Variants in IL1RAPL1 observed in about 807,000 individuals in gnomAD.
IL1RAPL1 encodes the protein interleukin 1 receptor accessory protein like 1, also known as interleukin-1 receptor accessory protein-like 1.
A neutral mutation model predicts 48.4 loss-of-function variants in IL1RAPL1; 3 were observed. That is an observed-to-expected ratio of 0.06 (90% CI 0.03 to 0.16). The LOEUF (loss-of-function observed/expected upper bound fraction) is 0.16. IL1RAPL1 is among the 10% of genes least tolerant of loss of function. The pLI is 1.00. For synonymous variants in IL1RAPL1, 185 were observed against 187.7 expected, an observed-to-expected ratio of 0.99 and a Z score of 0.12; for missense variants, 349 against 530.6, an observed-to-expected ratio of 0.66 and a Z score of 3.36.
chrX:29,319,364 A>ATT (rs762918998), intron 3 of IL1RAPL1, among the ~76,000 whole-genome samples: 2,318 of 58,091 alleles, frequency 0.04, 307 homozygotes, highest in African/African-American at 0.16. Context: ...GATAAATTTA[A>ATT]TTTTTTTTTT....
intron 6 of IL1RAPL1, among the ~76,000 whole-genome samples, chrX:29,845,334 G>A (rs1238818474): frequency 9.0e-6 from 1 of 111,715 alleles, no homozygotes; most frequent in Non-Finnish European, 1.9e-5. Context: ...AACCCAGAAA[G>A]CCAGGGGGAA....
At chrX:28,961,097 A>G (rs1253191592) in intron 2 of IL1RAPL1, among the ~76,000 whole-genome samples, 1 of 109,710 alleles carries the variant, frequency 9.1e-6, no homozygotes, top group Non-Finnish European at 1.9e-5. Context: ...TAATGTAACA[A>G]ACAGATAGCT....
chrX:29,218,517 T>C (rs939539154), intron 2 of IL1RAPL1, among the ~76,000 whole-genome samples: 1 of 111,875 alleles, frequency 8.9e-6, no homozygotes, highest in African/African-American at 3.2e-5. Flanking sequence ...TGAGCAATTA[T>C]GTTCTGCTGC....
intron 2 of IL1RAPL1, among the ~76,000 whole-genome samples, chrX:29,150,262 A>C (rs927379856): frequency 2.7e-5 from 3 of 112,131 alleles, no homozygotes; most frequent in Non-Finnish European, 5.6e-5. Flanking sequence ...GAAAATAATT[A>C]CTTAAATGTG....
At chrX:29,114,632 T>G (rs1928640258) in intron 2 of IL1RAPL1, among the ~76,000 whole-genome samples, 2 of 111,744 alleles carry the variant, frequency 1.8e-5, no homozygotes, top group African/African-American at 6.5e-5. Flanking sequence ...TTTGTTGGTT[T>G]GTTTGTTTTT....
chrX:28,615,984 T>C (rs1352837633), intron 1 of IL1RAPL1, among the ~76,000 whole-genome samples: 1 of 112,436 alleles, frequency 8.9e-6, no homozygotes, highest in Non-Finnish European at 1.9e-5. Context: ...TATTCACTGA[T>C]CAGTGGTCCT....
intron 2 of IL1RAPL1, among the ~76,000 whole-genome samples, chrX:28,885,974 TAAC>T (rs1436712268): frequency 9.9e-5 from 11 of 111,333 alleles, no homozygotes; most frequent in African/African-American, 3.6e-4. Context: ...CAAAAATAAC[TAAC>T]AACATAGGCT....
intron 5 of IL1RAPL1, among the ~76,000 whole-genome samples, chrX:29,499,627 G>T (rs1283765981): frequency 9.0e-6 from 1 of 111,515 alleles, no homozygotes; most frequent in Non-Finnish European, 1.9e-5. Context: ...AAAGTGGAAG[G>T]TTTAATATAA....
At chrX:29,772,802 C>G (rs748587726) in intron 6 of IL1RAPL1, among the ~76,000 whole-genome samples, 2 of 111,337 alleles carry the variant, frequency 1.8e-5, no homozygotes, top group African/African-American at 3.3e-5. Flanking sequence ...TTTCCAACAG[C>G]GTTTACCATA....
intron 1 of IL1RAPL1, among the ~76,000 whole-genome samples, chrX:28,674,480 T>C (rs1361274543): frequency 8.9e-6 from 1 of 111,800 alleles, no homozygotes; most frequent in East Asian, 2.8e-4. Flanking sequence ...CAACAAAATA[T>C]TTTGAGGGAG....
intron 5 of IL1RAPL1, among the ~76,000 whole-genome samples, chrX:29,622,557 C>T (rs1047747479): frequency 8.9e-6 from 1 of 111,780 alleles, no homozygotes; most frequent in Non-Finnish European, 1.9e-5. Context: ...GCAGGGACCT[C>T]GTGCTACATT....
chrX:29,748,139 G>A (rs753534602), intron 6 of IL1RAPL1, among the ~76,000 whole-genome samples: 1 of 111,988 alleles, frequency 8.9e-6, no homozygotes, highest in Non-Finnish European at 1.9e-5. Flanking sequence ...TCATAATGCC[G>A]AGCATATTCC....
intron 2 of IL1RAPL1, among the ~76,000 whole-genome samples, chrX:28,948,921 T>C (rs1174047370): frequency 3.6e-5 from 4 of 111,558 alleles, no homozygotes; most frequent in Admixed American, 9.6e-5. Flanking sequence ...AGCAATATAC[T>C]GTAATGAAAG....
intron 6 of IL1RAPL1, among the ~76,000 whole-genome samples, chrX:29,777,940 A>G (rs1929244505): frequency 9.2e-6 from 1 of 109,260 alleles, no homozygotes; most frequent in Non-Finnish European, 1.9e-5. Context: ...GTTTTCATTT[A>G]TACTATTGTA....
At chrX:28,650,096 T>C (rs1934666133) in intron 1 of IL1RAPL1, among the ~76,000 whole-genome samples, 1 of 112,019 alleles carries the variant, frequency 8.9e-6, no homozygotes, top group Non-Finnish European at 1.9e-5. Flanking sequence ...ACATGAAGGA[T>C]TCATATTCTG....
At chrX:29,922,076 G>C (rs140706994) in intron 8 of IL1RAPL1, among the ~76,000 whole-genome samples, 3 of 110,396 alleles carry the variant, frequency 2.7e-5, no homozygotes, top group African/African-American at 1.0e-4. Context: ...GGACAAGGGA[G>C]GGGTGACAGT....
chrX:29,924,109 T>C (rs1265891170), intron 8 of IL1RAPL1, among the ~76,000 whole-genome samples: 2 of 112,053 alleles, frequency 1.8e-5, no homozygotes, highest in South Asian at 7.5e-4. Flanking sequence ...ACCTCTCACA[T>C]AGAGCAGCTG....
chrX:28,995,439 A>C (rs1925704916), intron 2 of IL1RAPL1, among the ~76,000 whole-genome samples: 1 of 111,393 alleles, frequency 9.0e-6, no homozygotes, highest in African/African-American at 3.3e-5. Flanking sequence ...CCATATATTA[A>C]CTTGGAAATA....
chrX:29,918,144 A>ATATATAT (rs1555935867), intron 7 of IL1RAPL1, among the ~76,000 whole-genome samples: 5 of 23,755 alleles, frequency 2.1e-4, no homozygotes, highest in African/African-American at 7.2e-4. Flanking sequence ...AAAAAAAAAA[A>ATATATAT]ATATATATAT....
Sources: allele counts gnomAD v4.1 joint callset (sites outside exome capture counted in the v4.1 genomes callset), GRCh38; gene constraint gnomAD v4.1.1; transcripts MANE v1.5; gene names NCBI Gene and HGNC (gene_info 2026-07-23, HGNC 2026-07-21).